The following CSNK2A2IP variants were observed in gnomAD, a reference collection of about 807,000 sequenced individuals.
CSNK2A2IP encodes the protein casein kinase II subunit alpha'-interacting protein.
the CSNK2A2IP span, among the ~76,000 whole-genome samples, chr3:88,348,486 A>G: frequency 6.6e-6 from 1 of 152,072 alleles, no homozygotes; most frequent in Admixed American, 6.6e-5. Flanking sequence ...ACTATAGAAA[A>G]TATATATATT....
chr3:88,367,886 T>A, the CSNK2A2IP span, among the ~76,000 whole-genome samples: 6 of 152,128 alleles, frequency 3.9e-5, no homozygotes, highest in Non-Finnish European at 7.4e-5. Context: ...GTATTTGGTT[T>A]ATTTTTCAAG....
the CSNK2A2IP span, among the ~76,000 whole-genome samples, chr3:88,360,990 C>T: frequency 1.1e-4 from 16 of 152,244 alleles, no homozygotes; most frequent in South Asian, 2.1e-4. Context: ...AGACTCTCTA[C>T]AGTTTAAATC....
the CSNK2A2IP span, chr3:88,431,402 C>T: frequency 6.6e-6 from 1 of 152,138 alleles, no homozygotes; most frequent in East Asian, 1.9e-4. Context: ...GGGAGCTAAG[C>T]TACGAGGATG....
chr3:88,362,151 G>A, the CSNK2A2IP span, among the ~76,000 whole-genome samples: 3 of 152,084 alleles, frequency 2.0e-5, no homozygotes, highest in Admixed American at 6.5e-5. Flanking sequence ...GGCTGTTCTT[G>A]GTGCTGGACA....
At chr3:88,462,133 ATATG>A in the CSNK2A2IP span, among the ~76,000 whole-genome samples, 54 of 147,010 alleles carry the variant, frequency 3.7e-4, no homozygotes, top group African/African-American at 1.3e-3. Context: ...ATATATATAT[ATATG>A]TATTGTAAAT....
At chr3:88,392,132 C>T in the CSNK2A2IP span, among the ~76,000 whole-genome samples, 60,234 of 152,022 alleles carry the variant, frequency 0.4, 14,409 homozygotes, top group South Asian at 0.6. Context: ...CTGGATGGAT[C>T]ACCAGAGGCT....
the CSNK2A2IP span, among the ~76,000 whole-genome samples, chr3:88,342,039 T>G: frequency 1.3e-5 from 2 of 151,978 alleles, no homozygotes; most frequent in African/African-American, 4.8e-5. Context: ...TTTTTTTAAG[T>G]GTTTTTGTTT....
chr3:88,426,760 G>A, the CSNK2A2IP span, among the ~76,000 whole-genome samples: 2 of 152,022 alleles, frequency 1.3e-5, no homozygotes, highest in African/African-American at 4.8e-5. Context: ...TAAGTTTCCT[G>A]AGGCCTCCCC....
the CSNK2A2IP span, among the ~76,000 whole-genome samples, chr3:88,432,823 C>A: frequency 1.3e-5 from 2 of 150,402 alleles, no homozygotes; most frequent in Admixed American, 1.3e-4. Flanking sequence ...TAATATAAAT[C>A]CTGTAAATGA....
At chr3:88,459,802 T>G in the CSNK2A2IP span, among the ~76,000 whole-genome samples, 1 of 152,162 alleles carries the variant, frequency 6.6e-6, no homozygotes, top group African/African-American at 2.4e-5. Flanking sequence ...CTATTAAGAT[T>G]TATTTGTGAA....
chr3:88,411,932 C>CTTT, the CSNK2A2IP span, among the ~76,000 whole-genome samples: 1 of 151,500 alleles, frequency 6.6e-6, no homozygotes, highest in African/African-American at 2.4e-5. Flanking sequence ...TTTCTCTTTA[C>CTTT]TTTTTAAAAT....
At chr3:88,383,213 G>A in the CSNK2A2IP span, among the ~76,000 whole-genome samples, 1 of 151,892 alleles carries the variant, frequency 6.6e-6, no homozygotes, top group African/African-American at 2.4e-5. Context: ...CAAATCCAAT[G>A]GGCACTAACA....
chr3:88,440,773 C>T, the CSNK2A2IP span, among the ~76,000 whole-genome samples: 3 of 152,002 alleles, frequency 2.0e-5, no homozygotes, highest in African/African-American at 7.2e-5. Flanking sequence ...TAGAAGTTGC[C>T]TGAATTTCAG....
the CSNK2A2IP span, among the ~76,000 whole-genome samples, chr3:88,464,118 A>T: frequency 6.9e-6 from 1 of 145,306 alleles, no homozygotes; most frequent in Non-Finnish European, 1.5e-5. Flanking sequence ...AACAATGAGA[A>T]CACATGGACA....
At chr3:88,379,690 A>G in the CSNK2A2IP span, among the ~76,000 whole-genome samples, 1 of 152,126 alleles carries the variant, frequency 6.6e-6, no homozygotes, top group Non-Finnish European at 1.5e-5. Context: ...GGAAAAGGTC[A>G]TATGTGAGAT....
the CSNK2A2IP span, among the ~76,000 whole-genome samples, chr3:88,358,681 A>G: frequency 6.6e-6 from 1 of 152,148 alleles, no homozygotes; most frequent in African/African-American, 2.4e-5. Context: ...CATCTCTGTG[A>G]TGAATCCCAC....
At chr3:88,410,361 C>T in the CSNK2A2IP span, among the ~76,000 whole-genome samples, 3 of 151,954 alleles carry the variant, frequency 2.0e-5, no homozygotes, top group Non-Finnish European at 4.4e-5. Context: ...TATGTGACAA[C>T]CTGCATTCAT....
At chr3:88,381,853 G>A in the CSNK2A2IP span, among the ~76,000 whole-genome samples, 1 of 152,180 alleles carries the variant, frequency 6.6e-6, no homozygotes, top group Non-Finnish European at 1.5e-5. Flanking sequence ...ATGGTTTCAT[G>A]GGTATATGCT....
At chr3:88,425,811 A>G in the CSNK2A2IP span, among the ~76,000 whole-genome samples, 1 of 152,094 alleles carries the variant, frequency 6.6e-6, no homozygotes, top group Non-Finnish European at 1.5e-5. Flanking sequence ...ATTATTTGGT[A>G]GAACTCCAAA....
Sources: gnomAD v4.1 joint callset for allele counts (sites outside exome capture counted in the v4.1 genomes callset) on GRCh38, gnomAD v4.1.1 for gene constraint, MANE v1.5 for transcripts, NCBI Gene and HGNC (gene_info 2026-07-23, HGNC 2026-07-21) for gene names.